Variants in S1PR2 observed in about 807,000 individuals in gnomAD.
The protein encoded by S1PR2 is sphingosine-1-phosphate receptor 2, also known as sphingosine 1-phosphate receptor 2.
A neutral mutation model predicts 16.1 loss-of-function variants in S1PR2; 9 were observed. The ratio of observed to expected loss-of-function variants is 0.56; its 90% confidence interval spans 0.34 to 0.98. The LOEUF is 0.98. S1PR2 is among the 50% of genes least tolerant of loss of function. S1PR2 has a pLI of 0.02. For missense variants in S1PR2, 361 were observed against 488.4 expected (o/e 0.74, Z 2.46); for synonymous variants, 224 against 233.9 (o/e 0.96, Z 0.38).
chr19:10,228,309 T>TCAAAA (rs140658666), intron 1 of S1PR2, among the ~76,000 whole-genome samples: 315 of 151,686 alleles, frequency 2.1e-3, no homozygotes, highest in African/African-American at 6.0e-3. Flanking sequence ...CGAGACTGTC[T>TCAAAA]CAAAACAAAA....
chr19:10,230,639 G>C (rs2039668589), intron 1 of S1PR2, among the ~76,000 whole-genome samples: 2 of 152,360 alleles, frequency 1.3e-5, no homozygotes, highest in East Asian at 1.9e-4. Context: ...CTGAGCCGGA[G>C]TTGAAAGAGG....
At chr19:10,225,628 G>A (rs1344979353) in intron 1 of S1PR2, among the ~76,000 whole-genome samples, 1 of 151,662 alleles carries the variant, frequency 6.6e-6, no homozygotes, top group African/African-American at 2.4e-5. Context: ...TCGAACTTCT[G>A]ACCTCATGAT....
chr19:10,224,031 C>T lies in S1PR2; in HGVS notation c.875G>A (p.Ser292Asn), dbSNP rs1213143261. ...AAGCACCTCCCGCCGCAGGTCCCGG[C>T]TGCGCCACGTGTAGATGACGGGGTT... ...LLNPVIYTWR[S>N]RDLRREVLRP... The change falls in exon 2 of 2, where the codon AGC becomes AAC. Residue 292 changes from serine to asparagine, a missense_variant. Ser to Asn is a conservative substitution (Grantham distance 46). Coordinates refer to ENST00000646641, the MANE Select transcript of S1PR2 (RefSeq NM_004230.4). 1 of 1,612,386 alleles carries T rather than the reference C, an allele frequency of 6.2e-7. No homozygotes were observed. The highest frequency in any genetic ancestry group is 1.3e-5 in the African/African-American group (1 of 75,068).
At chr19:10,231,040 C>A (rs2039673986) in intron 1 of S1PR2, among the ~76,000 whole-genome samples, 164 bp downstream of exon 1, 1 of 152,330 alleles carries the variant, frequency 6.6e-6, no homozygotes, top group Admixed American at 6.5e-5. Flanking sequence ...GGGGGCCGCC[C>A]GGATTCTTGG....
intron 1 of S1PR2, among the ~76,000 whole-genome samples, chr19:10,229,285 C>A (rs975272742): frequency 6.8e-6 from 1 of 147,046 alleles, no homozygotes; most frequent in African/African-American, 2.7e-5. Context: ...CTCTTTTTCT[C>A]AAAAAAAAAA....
chr19:10,230,648 G>A (rs2039668743), intron 1 of S1PR2, among the ~76,000 whole-genome samples: 1 of 152,240 alleles, frequency 6.6e-6, no homozygotes, highest in African/African-American at 2.4e-5. Context: ...AGTTGAAAGA[G>A]GAGGCGTCTG....
At position 10,225,899 on chromosome 19, in the gene S1PR2, A is replaced by G. The variant is rs542529862; in HGVS notation, c.-42-952T>C. ...TGCTCTGTCACCCAGGCTGGAGTGCAGTGGCATGATCATAGCTCACAGTTG... is the reference window on the plus strand; with the variant it reads ...TGCTCTGTCACCCAGGCTGGAGTGCGGTGGCATGATCATAGCTCACAGTTG... On this transcript the variant is annotated intron_variant, in intron 1 of 1. Transcript: ENST00000646641. Among the ~76,000 whole-genome samples the G allele has an allele frequency of 9.2e-5, 14 of 152,102 alleles. No homozygotes were observed. The East Asian group carries it at 2.7e-3, about 30-fold the overall frequency.
chr19:10,230,993 C>T (rs2039673422), intron 1 of S1PR2, among the ~76,000 whole-genome samples: 1 of 152,224 alleles, frequency 6.6e-6, no homozygotes, highest in South Asian at 2.1e-4. Context: ...CTGAGAAAGG[C>T]GGGGAGCACA....
intron 1 of S1PR2, among the ~76,000 whole-genome samples, chr19:10,228,665 T>G (rs2039651000): frequency 6.6e-6 from 1 of 152,196 alleles, no homozygotes; most frequent in Admixed American, 6.5e-5. Context: ...CCCCTCCCTG[T>G]GTAAGGTTAC....
chr19:10,226,117 C>T (rs981659611), intron 1 of S1PR2, among the ~76,000 whole-genome samples: 4 of 152,232 alleles, frequency 2.6e-5, no homozygotes, highest in African/African-American at 4.8e-5. Flanking sequence ...CACACAGGCG[C>T]CTGCGCCCTC....
chr19:10,227,575 AG>A (rs1477504772), intron 1 of S1PR2, among the ~76,000 whole-genome samples: 1 of 152,216 alleles, frequency 6.6e-6, no homozygotes, highest in African/African-American at 2.4e-5. Context: ...GCTTGGGCCC[AG>A]GCTGCGGCTG....
intron 1 of S1PR2, among the ~76,000 whole-genome samples, chr19:10,225,459 C>T (rs534124028): frequency 1.4e-5 from 2 of 143,400 alleles, no homozygotes; most frequent in African/African-American, 2.6e-5. Flanking sequence ...TGCTGCGGCA[C>T]GGTCTTGGCT....
At chr19:10,226,156 C>T (rs1364172353) in intron 1 of S1PR2, among the ~76,000 whole-genome samples, 2 of 152,234 alleles carry the variant, frequency 1.3e-5, no homozygotes, top group Non-Finnish European at 2.9e-5. Context: ...GAGAGTCTCA[C>T]CACTGATAGC....
At chr19:10,229,438 T>A (rs1348049591) in intron 1 of S1PR2, among the ~76,000 whole-genome samples, 1 of 152,060 alleles carries the variant, frequency 6.6e-6, no homozygotes, top group East Asian at 1.9e-4. Context: ...TATAGGTGCC[T>A]ACCACCACAC....
chr19:10,228,138 C>CAAAAAAAAAAA (rs141807915), intron 1 of S1PR2, among the ~76,000 whole-genome samples: 1 of 97,646 alleles, frequency 1.0e-5, no homozygotes. Context: ...CCCCTCTACT[C>CAAAAAAAAAAA]AAAAAAAAAA....
At position 10,223,998 on chromosome 19, in the gene S1PR2, A is replaced by G. The variant is rs1488869777; in HGVS notation, c.908T>C (p.Leu303Pro). The part of the protein sequence containing the change: ...RDLRREVLRP[L>P]QCWRPGVGVQ... ...CCCCACCCCCGGCCTCCAGCACTGC[A>G]GCGGCCGAAGCACCTCCCGCCGCAG... Residue 303 changes from leucine to proline, a missense_variant, in exon 2 of 2, where the codon CTG becomes CCG. By Grantham distance (98) the Leu-to-Pro change is moderately conservative. Transcript: ENST00000646641. The G allele has an allele frequency of 6.2e-7, 1 of 1,611,412 alleles. No homozygotes were observed. Among genetic ancestry groups the G allele is most frequent in the Admixed American group, 1.7e-5 (1 of 59,934 alleles).
rs2039614151 is a variant in S1PR2 at position 10,224,208 on chromosome 19, T to G, written c.698A>C (p.Lys233Thr). Residue 233 changes from lysine (K) to threonine (T), a missense_variant, in exon 2 of 2, where the codon AAG becomes ACG. Transcript: ENST00000646641. Reference sequence around the variant, plus strand: ...GACGCCTAGCACGATGGTGACCGTCTTGAGCAGGGCTAGCGTCTGCGGGGC... The same window carrying G: ...GACGCCTAGCACGATGGTGACCGTCGTGAGCAGGGCTAGCGTCTGCGGGGC... ...MAAPQTLALL[K>T]TVTIVLGVFI... The G allele has an allele frequency of 1.9e-6, 3 of 1,612,672 alleles. No individual in the cohort carries two copies. The highest frequency in any genetic ancestry group is 2.5e-6 in the Non-Finnish European group (3 of 1,180,042).
intron 1 of S1PR2, among the ~76,000 whole-genome samples, chr19:10,229,392 C>T (rs895600764): frequency 2.0e-5 from 3 of 151,864 alleles, no homozygotes; most frequent in East Asian, 1.9e-4. Context: ...TGAGTTCAAG[C>T]GATTCTCCTG....
At position 10,223,742 on chromosome 19, in the gene S1PR2, G is replaced by A. The variant is rs753016578; in HGVS notation, c.*102C>T. 6.7e-5 allele frequency: 71 copies of A among 1,064,752 alleles called. No individual in the cohort carries two copies. Among genetic ancestry groups the A allele is most frequent in the Non-Finnish European group, 8.5e-5 (63 of 740,384 alleles). 66.0% of individuals were successfully genotyped at this position (1,064,752 alleles called of 1,614,324 possible). A position where few individuals can be genotyped will look rare whatever the true frequency, so the allele number is the denominator to read the frequency against. On this transcript the variant is annotated 3_prime_UTR_variant, in exon 2 of 2. Transcript: ENST00000646641. ...GCAACATCACCCAGGTCTGTGGGGC[G>A]GGGGCATCTGGCTCAGTAGCCCCAA...
Sources: allele counts gnomAD v4.1 joint callset (sites outside exome capture counted in the v4.1 genomes callset), GRCh38; gene constraint gnomAD v4.1.1; transcripts MANE v1.5; gene names NCBI Gene and HGNC (gene_info 2026-07-23, HGNC 2026-07-21).